MPPED1: variants seen among roughly 807,000 people sequenced by gnomAD.
MPPED1 encodes metallophosphoesterase domain containing 1.
A neutral mutation model predicts 36.2 loss-of-function variants in MPPED1; 16 were observed. The observed-to-expected ratio is 0.44, with a 90% CI of 0.30 to 0.67. The LOEUF (loss-of-function observed/expected upper bound fraction) is 0.67, where lower values mean the gene tolerates loss of function less well. Among genes scored for constraint, MPPED1 ranks in the 30% least tolerant of loss-of-function variants. The probability of loss-of-function intolerance (pLI) is 0.10; values close to 1 mark genes in which losing one functional copy is unlikely to be tolerated. For synonymous variants in MPPED1, 199 were observed against 191.3 expected (o/e 1.04, Z -0.33); for missense variants, 307 against 453.4 (o/e 0.68, Z 2.93).
rs181916621 is a variant in MPPED1 at position 43,434,864 on chromosome 22, G to A, written c.225-170G>A. 2.6e-5 allele frequency among the ~76,000 whole-genome samples: 4 copies of A among 152,344 alleles called. No individual in the cohort carries two copies. The East Asian group carries it at 7.7e-4, about 29-fold the overall frequency. On this transcript the variant is annotated intron_variant, in intron 2 of 6. Transcript: ENST00000443721. Reference sequence around the variant, plus strand: ...CCTGGCTAAAGATGAGAGAAGTCAGGATTCGGGCCGGGGTGGACCCCTGGG... The same window carrying A: ...CCTGGCTAAAGATGAGAGAAGTCAGAATTCGGGCCGGGGTGGACCCCTGGG...
intron 3 of MPPED1, among the ~76,000 whole-genome samples, chr22:43,442,510 G>T (rs1030441657): frequency 6.6e-6 from 1 of 152,202 alleles, no homozygotes; most frequent in African/African-American, 2.4e-5. Flanking sequence ...CCGCCCCTGT[G>T]CGGGGCTGCT....
At chr22:43,500,907 T>G (rs1932714749) in intron 5 of MPPED1, among the ~76,000 whole-genome samples, 1 of 151,260 alleles carries the variant, frequency 6.6e-6, no homozygotes, top group East Asian at 1.9e-4. Context: ...GAGGGTGAGG[T>G]AGACAAGGGG....
At chr22:43,498,713 GA>G (rs1932511343) in intron 5 of MPPED1, among the ~76,000 whole-genome samples, 1 of 151,998 alleles carries the variant, frequency 6.6e-6, no homozygotes, top group South Asian at 2.1e-4. Flanking sequence ...AACTCCCTCA[GA>G]AACCTGGGGT....
At position 43,502,147 on chromosome 22, in the gene MPPED1, C is replaced by G. The variant is rs555399012; in HGVS notation, c.749-497C>G. 5.9e-5 allele frequency among the ~76,000 whole-genome samples: 9 copies of G among 152,276 alleles called. No individual in the cohort carries two copies. In the South Asian group the frequency reaches 1.7e-3, roughly 28 times the overall value. On this transcript the variant is annotated intron_variant, in intron 5 of 6. Coordinates refer to ENST00000443721, the MANE Select transcript of MPPED1 (RefSeq NM_001044370.2). This position sits in a 1 kb window ranked among gnomAD's most constrained non-coding sequence, Gnocchi z 5.5. ...TGCACCCACGGAGGAAGTTTCTGCT[C>G]ATGAGTCTGTGCTGTTTAGGAAGTT...
chr22:43,495,230 GTGGAGGTGGTGGTGGTGA>G (rs1173793487), intron 4 of MPPED1, among the ~76,000 whole-genome samples: 3 of 149,588 alleles, frequency 2.0e-5, no homozygotes, highest in Admixed American at 6.6e-5. Flanking sequence ...GGTGGTGGTG[GTGGAGGTGGTGGTGGTGA>G]TGGAGGTGGT....
intron 4 of MPPED1, among the ~76,000 whole-genome samples, chr22:43,479,290 C>T (rs1931675887): frequency 6.6e-6 from 1 of 152,244 alleles, no homozygotes; most frequent in African/African-American, 2.4e-5. Context: ...GCATTCCCTC[C>T]AGCTTTAGAA....
chr22:43,460,294 A>AC (rs1930911289), intron 3 of MPPED1, among the ~76,000 whole-genome samples: 2 of 129,628 alleles, frequency 1.5e-5, no homozygotes, highest in Non-Finnish European at 3.5e-5. Context: ...GCAAAACAAA[A>AC]CAAAAAAAAC....
chr22:43,499,388 T>C (rs1429707140), intron 5 of MPPED1, among the ~76,000 whole-genome samples: 26 of 116,940 alleles, frequency 2.2e-4, no homozygotes, highest in African/African-American at 8.0e-4. Flanking sequence ...ATGGGGGTGG[T>C]GATGGATGTG....
chr22:43,498,188 C>A, intron 4 of MPPED1, 47 bp from the exon 5 acceptor site: 1 of 1,458,080 alleles, frequency 6.9e-7, no homozygotes, highest in South Asian at 1.2e-5. Flanking sequence ...TCTGACCACC[C>A]TGTACTTTCA....
chr22:43,426,199 CG>C (rs1288310387), intron 2 of MPPED1, among the ~76,000 whole-genome samples: 1 of 152,092 alleles, frequency 6.6e-6, no homozygotes, highest in African/African-American at 2.4e-5. Context: ...GAGTCCAGCC[CG>C]GGGCTCTCCT....
intron 3 of MPPED1, among the ~76,000 whole-genome samples, chr22:43,471,095 G>A (rs972884646): frequency 1.3e-5 from 2 of 152,266 alleles, no homozygotes; most frequent in African/African-American, 4.8e-5. Context: ...AGAGCTGACA[G>A]CTTCTGCGCT....
intron 3 of MPPED1, among the ~76,000 whole-genome samples, chr22:43,444,425 G>A (rs1006631286): frequency 3.7e-4 from 54 of 146,824 alleles, no homozygotes; most frequent in African/African-American, 1.3e-3. Flanking sequence ...AGAGTGCAAC[G>A]GCGCGATCTC....
intron 3 of MPPED1, among the ~76,000 whole-genome samples, chr22:43,450,565 G>T (rs1930528824): frequency 6.6e-6 from 1 of 152,130 alleles, no homozygotes; most frequent in African/African-American, 2.4e-5. Flanking sequence ...AGCTGATATT[G>T]GGAGAGTTCA....
chr22:43,414,473 A>G (rs1929009528), intron 1 of MPPED1, among the ~76,000 whole-genome samples: 1 of 152,226 alleles, frequency 6.6e-6, no homozygotes, highest in Non-Finnish European at 1.5e-5. Flanking sequence ...ATCATCTTTT[A>G]GTCTATCAAA....
intron 4 of MPPED1, among the ~76,000 whole-genome samples, chr22:43,482,522 T>G (rs1931781679): frequency 2.6e-5 from 4 of 152,222 alleles, no homozygotes; most frequent in Non-Finnish European, 4.4e-5. Flanking sequence ...CAGACCATTC[T>G]GGAATACACA....
chr22:43,447,456 C>A (rs1469292866), intron 3 of MPPED1, among the ~76,000 whole-genome samples: 1 of 152,044 alleles, frequency 6.6e-6, no homozygotes, highest in African/African-American at 2.4e-5. Context: ...TCTGAAATGT[C>A]TGGAAGTTTC....
intron 4 of MPPED1, among the ~76,000 whole-genome samples, chr22:43,481,817 C>T (rs1931758388): frequency 6.6e-6 from 1 of 152,176 alleles, no homozygotes; most frequent in Admixed American, 6.5e-5. Flanking sequence ...GATCTTGGGC[C>T]CTGCCCTCCC....
intron 2 of MPPED1, among the ~76,000 whole-genome samples, chr22:43,428,583 TGGGCTTTGTCTCCGG>T (rs1158033395): frequency 7.2e-5 from 11 of 152,322 alleles, no homozygotes; most frequent in African/African-American, 2.6e-4. Flanking sequence ...GTTGCCACCC[TGGGCTTTGTCTCCGG>T]GGTGAGGGAG....
intron 1 of MPPED1, among the ~76,000 whole-genome samples, chr22:43,413,917 T>C (rs1240063346): frequency 2.0e-5 from 3 of 152,182 alleles, no homozygotes; most frequent in Non-Finnish European, 2.9e-5. Context: ...TCGGAAGACC[T>C]GGATTGAATG....
Sources: gnomAD v4.1 joint callset for allele counts (sites outside exome capture counted in the v4.1 genomes callset) on GRCh38, gnomAD v4.1.1 for gene constraint, Gnocchi (gnomAD v3.1) non-coding constraint, MANE v1.5 for transcripts, NCBI Gene and HGNC (gene_info 2026-07-23, HGNC 2026-07-21) for gene names.